PDE1A: variants seen among roughly 807,000 people sequenced by gnomAD.
PDE1A encodes phosphodiesterase 1A.
PDE1A carries 35 observed loss-of-function variants against 61.7 expected under a neutral mutation model. The ratio of observed to expected loss-of-function variants is 0.57; its 90% confidence interval spans 0.43 to 0.75. The LOEUF (loss-of-function observed/expected upper bound fraction) is 0.75. PDE1A is among the 30% of genes least tolerant of loss of function. The pLI is 0.00. For missense variants in PDE1A, 597 were observed against 630.6 expected, an observed-to-expected ratio of 0.95 and a Z score of 0.57; for synonymous variants, 232 against 213.2, an observed-to-expected ratio of 1.09 and a Z score of -0.77.
upstream of PDE1A, among the ~76,000 whole-genome samples, chr2:182,430,281 C>A (rs1398351093): frequency 1.5e-5 from 2 of 132,776 alleles, no homozygotes; most frequent in African/African-American, 5.8e-5. Flanking sequence ...ACAACCCCAT[C>A]AAAAAGTGGG....
At chr2:182,294,550 T>C (rs1223132137) in intron 1 of PDE1A, among the ~76,000 whole-genome samples, 1 of 152,086 alleles carries the variant, frequency 6.6e-6, no homozygotes, top group Non-Finnish European at 1.5e-5. Flanking sequence ...ACACATTCTG[T>C]TTTAAGAGAA....
chr2:182,679,511 T>C, the PDE1A span, among the ~76,000 whole-genome samples: 1 of 152,154 alleles, frequency 6.6e-6, no homozygotes, highest in South Asian at 2.1e-4. Flanking sequence ...CTAATTACCC[T>C]AATTTGATCA....
intron 1 of PDE1A, among the ~76,000 whole-genome samples, chr2:182,387,415 A>T (rs1701175299): frequency 7.3e-6 from 1 of 136,476 alleles, no homozygotes; most frequent in African/African-American, 2.6e-5. Flanking sequence ...AATGATCAAT[A>T]AAAAAAAAAA....
intron 7 of PDE1A, among the ~76,000 whole-genome samples, chr2:182,211,744 T>G (rs978088844): frequency 6.6e-6 from 1 of 152,244 alleles, no homozygotes; most frequent in Non-Finnish European, 1.5e-5. Flanking sequence ...CCTAAATATT[T>G]AATTTTGAGT....
intron 1 of PDE1A, among the ~76,000 whole-genome samples, chr2:182,329,695 T>A (rs1697277378): frequency 6.6e-6 from 1 of 152,106 alleles, no homozygotes; most frequent in Non-Finnish European, 1.5e-5. Context: ...CTGGCCTGTC[T>A]AATTACCAAA....
chr2:182,353,326 T>A (rs1698996672), intron 1 of PDE1A, among the ~76,000 whole-genome samples: 3 of 152,196 alleles, frequency 2.0e-5, no homozygotes, highest in Admixed American at 2.0e-4. Context: ...AATACAAATA[T>A]ACTTATGAAA....
intron 10 of PDE1A, among the ~76,000 whole-genome samples, chr2:182,194,934 G>A (rs1211039137): frequency 6.6e-6 from 1 of 150,400 alleles, no homozygotes; most frequent in Admixed American, 6.7e-5. Context: ...TTTCTTGAAA[G>A]GTTGCTCTTG....
the PDE1A span, among the ~76,000 whole-genome samples, chr2:182,563,676 A>C: frequency 6.6e-6 from 1 of 152,054 alleles, no homozygotes; most frequent in African/African-American, 2.4e-5. Context: ...TCCCATTATT[A>C]TTGTGTGGGA....
rs147950211 is a variant in PDE1A, at chr2:182,181,201, T to C, written c.1516+4691A>G. On this transcript the variant is annotated intron_variant, in intron 13 of 13. Coordinates refer to ENST00000351439, the Ensembl canonical transcript of PDE1A. ...TTTGGAATTTTCAGCGTTTTTGCAC[T>C]GTTTCTTCCTCATCTTCATGGATTT... 4.9e-3 allele frequency among the ~76,000 whole-genome samples: 748 copies of C among 152,306 alleles called. 5 individuals carry two copies. The highest frequency in any genetic ancestry group is 0.017 in the African/African-American group (721 of 41,570).
chr2:182,177,736 T>TA (rs957277735), intron 13 of PDE1A, among the ~76,000 whole-genome samples: 46 of 145,546 alleles, frequency 3.2e-4, no homozygotes, highest in Non-Finnish European at 3.0e-4. Context: ...TTCCCCATAA[T>TA]AAAAAAATGT....
intron 2 of PDE1A, among the ~76,000 whole-genome samples, chr2:182,451,872 C>T (rs1685546784): frequency 6.6e-6 from 1 of 152,122 alleles, no homozygotes; most frequent in Admixed American, 6.6e-5. Flanking sequence ...AGCACCTCTG[C>T]TTTCCTTTTT....
At chr2:182,663,971 A>G in the PDE1A span, among the ~76,000 whole-genome samples, 1 of 152,180 alleles carries the variant, frequency 6.6e-6, no homozygotes, top group African/African-American at 2.4e-5. Context: ...AACTTATCTG[A>G]AACCCTTTTA....
intron 2 of PDE1A, among the ~76,000 whole-genome samples, chr2:182,508,536 G>A (rs17265405): frequency 2.0e-5 from 3 of 151,134 alleles, no homozygotes; most frequent in South Asian, 2.1e-4. Context: ...AGTTCTCTAC[G>A]TGGATATTTA....
chr2:182,246,717 C>T (rs1194680913), intron 2 of PDE1A, among the ~76,000 whole-genome samples: 3 of 152,030 alleles, frequency 2.0e-5, no homozygotes, highest in Non-Finnish European at 2.9e-5. Context: ...CAGCCTTACC[C>T]TGTTATAATC....
chr2:182,689,534 T>C, the PDE1A span, among the ~76,000 whole-genome samples: 1 of 151,732 alleles, frequency 6.6e-6, no homozygotes, highest in African/African-American at 2.4e-5. Context: ...AAGCAGTGTG[T>C]AGAGGGAAAT....
intron 13 of PDE1A, among the ~76,000 whole-genome samples, chr2:182,179,599 T>A (rs1684574500): frequency 6.6e-6 from 1 of 152,060 alleles, no homozygotes; most frequent in Admixed American, 6.6e-5. Flanking sequence ...AGATCATATA[T>A]TTCATATTTT....
At chr2:182,673,091 A>G in the PDE1A span, among the ~76,000 whole-genome samples, 3 of 152,214 alleles carry the variant, frequency 2.0e-5, no homozygotes, top group Admixed American at 1.3e-4. Context: ...GGGTCCTCAC[A>G]TGTTTTTGTG....
At chr2:182,446,295 T>G (rs557116137) in intron 2 of PDE1A, among the ~76,000 whole-genome samples, 2 of 152,084 alleles carry the variant, frequency 1.3e-5, no homozygotes, top group Non-Finnish European at 2.9e-5. Context: ...TAGAACAGCA[T>G]ACCAGTGAAG....
the PDE1A span, among the ~76,000 whole-genome samples, chr2:182,555,221 T>C: frequency 6.6e-6 from 1 of 152,256 alleles, no homozygotes; most frequent in African/African-American, 2.4e-5. Context: ...AAGGATTTTA[T>C]GAAGCTTTTC....
Sources: gnomAD v4.1 joint callset for allele counts (sites outside exome capture counted in the v4.1 genomes callset) on GRCh38, gnomAD v4.1.1 for gene constraint, MANE v1.5 for transcripts, NCBI Gene and HGNC (gene_info 2026-07-23, HGNC 2026-07-21) for gene names.